ADAMTS18: variants seen among roughly 807,000 people sequenced by gnomAD.
The protein encoded by ADAMTS18 is ADAM metallopeptidase with thrombospondin type 1 motif 18.
In ADAMTS18, 157 loss-of-function variants were observed where a neutral mutation model predicts 165.9. The observed-to-expected ratio is 0.95, with a 90% CI of 0.83 to 1.08. The LOEUF (loss-of-function observed/expected upper bound fraction) is 1.08. Ranked by LOEUF, ADAMTS18 falls within the 50% of genes least tolerant of loss-of-function variation. ADAMTS18 has a pLI of 0.00. For synonymous variants in ADAMTS18, 782 were observed against 578.2 expected, an observed-to-expected ratio of 1.35 and a Z score of -5.06; for missense variants, 2,040 against 1,534.0, an observed-to-expected ratio of 1.33 and a Z score of -5.51.
At chr16:77,400,475 TGTGTG>T (rs1335748253) in intron 3 of ADAMTS18, among the ~76,000 whole-genome samples, 11 of 125,794 alleles carry the variant, frequency 8.7e-5, no homozygotes, top group East Asian at 2.0e-4. Context: ...TGTGTGTGTG[TGTGTG>T]TTTTGTTTTT....
intron 16 of ADAMTS18, among the ~76,000 whole-genome samples, chr16:77,313,007 C>T (rs1457803736): frequency 3.9e-5 from 6 of 152,076 alleles, no homozygotes; most frequent in African/African-American, 7.2e-5. Context: ...ATATTTATTG[C>T]GGCACTATTC....
intron 14 of ADAMTS18, 146 bp downstream of exon 14, chr16:77,322,190 C>G (rs1198195122): frequency 2.9e-6 from 2 of 679,376 alleles, no homozygotes; most frequent in Non-Finnish European, 4.9e-6. Context: ...ATATGGTGCT[C>G]GAATCCAGTG....
At chr16:77,430,824 C>T (rs1024149104) in intron 3 of ADAMTS18, among the ~76,000 whole-genome samples, 2 of 152,164 alleles carry the variant, frequency 1.3e-5, no homozygotes, top group Non-Finnish European at 2.9e-5. Context: ...AGCAGGACAC[C>T]AGCAACAGAT....
chr16:77,403,954 G>C (rs950485848), intron 3 of ADAMTS18, among the ~76,000 whole-genome samples: 1 of 152,082 alleles, frequency 6.6e-6, no homozygotes, highest in Non-Finnish European at 1.5e-5. Context: ...TTGGAGCAGA[G>C]ATCTGAATGA....
intron 15 of ADAMTS18, 87 bp from the exon 16 acceptor site, chr16:77,320,180 T>C (rs1188774684): frequency 6.7e-7 from 1 of 1,500,986 alleles, no homozygotes; most frequent in African/African-American, 1.4e-5. Context: ...TAGTGTTCAG[T>C]TTTATAGAGT....
intron 16 of ADAMTS18, among the ~76,000 whole-genome samples, chr16:77,311,768 C>G (rs1052872318): frequency 1.4e-5 from 2 of 146,142 alleles, no homozygotes; most frequent in Non-Finnish European, 3.0e-5. Flanking sequence ...TTTAAAAATA[C>G]AAGCAAGGCA....
chr16:77,322,191 G>C, intron 14 of ADAMTS18, 145 bp downstream of exon 14: 1 of 525,244 alleles, frequency 1.9e-6, no homozygotes, highest in Non-Finnish European at 3.4e-6. Flanking sequence ...TATGGTGCTC[G>C]AATCCAGTGA....
At chr16:77,373,189 C>T (rs528867548) in intron 3 of ADAMTS18, among the ~76,000 whole-genome samples, 2 of 152,240 alleles carry the variant, frequency 1.3e-5, no homozygotes, top group Non-Finnish European at 1.5e-5. Context: ...ACTCACGACC[C>T]TATTGAAAAT....
chr16:77,400,480 G>GTGTT (rs2057315329), intron 3 of ADAMTS18, among the ~76,000 whole-genome samples: 1 of 104,034 alleles, frequency 9.6e-6, no homozygotes, highest in African/African-American at 3.2e-5. Flanking sequence ...GTGTGTGTGT[G>GTGTT]TTTTGTTTTT....
At chr16:77,311,046 G>A in intron 16 of ADAMTS18, among the ~76,000 whole-genome samples, 1 of 152,082 alleles carries the variant, frequency 6.6e-6, no homozygotes, top group Non-Finnish European at 1.5e-5. Context: ...GAAGGCAGAT[G>A]AAAATGAAAT....
chr16:77,399,446 G>A (rs2057298984), intron 3 of ADAMTS18, among the ~76,000 whole-genome samples: 1 of 152,148 alleles, frequency 6.6e-6, no homozygotes, highest in African/African-American at 2.4e-5. Context: ...GAAAGCCTCA[G>A]AGAAGCTAGA....
chr16:77,434,308 C>A, intron 2 of ADAMTS18, 110 bp downstream of exon 2: 1 of 1,280,486 alleles, frequency 7.8e-7, no homozygotes, highest in Non-Finnish European at 1.1e-6. Flanking sequence ...CAAGACAGCG[C>A]ACACCTGCCA....
At chr16:77,344,155 G>GTA (rs150411045) in intron 10 of ADAMTS18, among the ~76,000 whole-genome samples, 25,581 of 139,860 alleles carry the variant, frequency 0.18, 2,374 homozygotes, top group Middle Eastern at 0.25. Context: ...ATGTGTGTGT[G>GTA]TATATATATA....
At chr16:77,291,864 C>T (rs185272420) in intron 20 of ADAMTS18, among the ~76,000 whole-genome samples, 1 of 152,168 alleles carries the variant, frequency 6.6e-6, no homozygotes, top group African/African-American at 2.4e-5. Flanking sequence ...AGTTAGGAAT[C>T]TGAGTTGAAG....
At chr16:77,423,522 C>T (rs545955966) in intron 3 of ADAMTS18, among the ~76,000 whole-genome samples, 1 of 151,914 alleles carries the variant, frequency 6.6e-6, no homozygotes, top group South Asian at 2.1e-4. Flanking sequence ...ATCCATAGCC[C>T]CCATGAGAGA....
At position 77,356,054 on chromosome 16, in the gene ADAMTS18, T is replaced by G; in HGVS notation, c.1346A>C (p.Glu449Ala). Residue 449 changes from glutamate (E) to alanine (A), a missense_variant, in exon 9 of 23, where the codon GAA (glutamate) becomes GCA (alanine). Transcript: ENST00000282849. ...TTCAGCCTTTCTGCAGGGATTCCCT[T>G]CTCCATCGTGAATCATACCAAAGCT... is the stretch of plus-strand genomic sequence containing the variant. Reference protein sequence around the residue: ...GHNFGMIHDGEGNPCRKAEGN... With the variant: ...GHNFGMIHDGAGNPCRKAEGN... 1 of 1,614,032 alleles carries G rather than the reference T, an allele frequency of 6.2e-7. No homozygotes were observed.
chr16:77,327,562 G>A (rs12325541), intron 12 of ADAMTS18, among the ~76,000 whole-genome samples: 11,860 of 152,180 alleles, frequency 0.078, 495 homozygotes, highest in Non-Finnish European at 0.1. Context: ...CTACCCAGCC[G>A]TAAAAAAGTA....
intron 3 of ADAMTS18, among the ~76,000 whole-genome samples, chr16:77,379,494 T>C (rs545503664): frequency 1.1e-4 from 16 of 152,130 alleles, no homozygotes; most frequent in Non-Finnish European, 2.2e-4. Flanking sequence ...TATTTTTATT[T>C]TATTTATTTT....
chr16:77,306,817 A>G (rs2055690542), intron 16 of ADAMTS18, among the ~76,000 whole-genome samples: 1 of 152,232 alleles, frequency 6.6e-6, no homozygotes, highest in South Asian at 2.1e-4. Context: ...GTAGACTAAT[A>G]AACCAATACT....
Sources: allele counts gnomAD v4.1 joint callset (sites outside exome capture counted in the v4.1 genomes callset), GRCh38; gene constraint gnomAD v4.1.1; transcripts MANE v1.5; gene names NCBI Gene and HGNC (gene_info 2026-07-23, HGNC 2026-07-21).